Variants in LPP observed in about 807,000 individuals in gnomAD.
LPP encodes LIM domain containing preferred translocation partner in lipoma, also known as lipoma-preferred partner.
Under a neutral mutation model 60.4 loss-of-function variants are expected in LPP, and 38 were observed. The observed-to-expected ratio is 0.63, with a 90% CI of 0.49 to 0.83. The LOEUF (loss-of-function observed/expected upper bound fraction) is 0.83, where lower values mean the gene tolerates loss of function less well. LPP is among the 40% of genes least tolerant of loss of function. LPP has a pLI of 0.00. For synonymous variants in LPP, 328 were observed against 290.8 expected, an observed-to-expected ratio of 1.13 and a Z score of -1.30; for missense variants, 902 against 783.6, an observed-to-expected ratio of 1.15 and a Z score of -1.80.
chr3:188,857,831 A>C (rs1764199262), intron 9 of LPP, among the ~76,000 whole-genome samples: 1 of 152,242 alleles, frequency 6.6e-6, no homozygotes, highest in Non-Finnish European at 1.5e-5. Context: ...GTGAAGGGAA[A>C]AAATAGAAAT....
chr3:188,282,655 C>A (rs1041157426), intron 2 of LPP, among the ~76,000 whole-genome samples: 1 of 152,126 alleles, frequency 6.6e-6, no homozygotes, highest in African/African-American at 2.4e-5. Context: ...TTGGCCCCTG[C>A]CTCTCCACCC....
intron 5 of LPP, among the ~76,000 whole-genome samples, chr3:188,516,234 A>G (rs140869934): frequency 2.0e-5 from 3 of 152,316 alleles, no homozygotes; most frequent in African/African-American, 7.2e-5. Context: ...TACACATCCC[A>G]ATAGGAATGC....
At chr3:188,659,928 T>A (rs572284091) in intron 7 of LPP, among the ~76,000 whole-genome samples, 1 of 152,038 alleles carries the variant, frequency 6.6e-6, no homozygotes, top group South Asian at 2.1e-4. Flanking sequence ...CCTCATTCTT[T>A]GTCTCTCATC....
At chr3:188,299,827 C>T (rs541055419) in intron 2 of LPP, among the ~76,000 whole-genome samples, 23 of 152,306 alleles carry the variant, frequency 1.5e-4, no homozygotes, top group Non-Finnish European at 3.1e-4. Context: ...AGCCTTGAGC[C>T]AGGTCTGCCT....
At chr3:188,829,480 ACT>A (rs1756552441) in intron 9 of LPP, among the ~76,000 whole-genome samples, 2 of 151,984 alleles carry the variant, frequency 1.3e-5, no homozygotes, top group Non-Finnish European at 1.5e-5. Context: ...TAGTCATAAT[ACT>A]CTTATACAAA....
intron 7 of LPP, among the ~76,000 whole-genome samples, chr3:188,625,448 C>T: frequency 6.6e-6 from 1 of 152,042 alleles, no homozygotes; most frequent in Non-Finnish European, 1.5e-5. Flanking sequence ...ATTTTTATAA[C>T]CATTGTGAAT....
intron 5 of LPP, among the ~76,000 whole-genome samples, chr3:188,493,114 C>A (rs1033052722): frequency 1.3e-5 from 2 of 152,054 alleles, no homozygotes; most frequent in African/African-American, 2.4e-5. Context: ...AGGCTACATG[C>A]TTGATGTATT....
chr3:188,432,545 T>A (rs564935918), intron 4 of LPP, among the ~76,000 whole-genome samples: 3 of 152,176 alleles, frequency 2.0e-5, no homozygotes, highest in Admixed American at 2.0e-4. Flanking sequence ...TGATCATGTG[T>A]GAATTTGACC....
At chr3:188,523,380 C>G (rs1819553091) in intron 5 of LPP, among the ~76,000 whole-genome samples, 1 of 152,096 alleles carries the variant, frequency 6.6e-6, no homozygotes, top group Non-Finnish European at 1.5e-5. Flanking sequence ...AAAGAATGAC[C>G]AAAACACCAG....
At chr3:188,747,967 G>A (rs898605707) in intron 8 of LPP, among the ~76,000 whole-genome samples, 3 of 152,084 alleles carry the variant, frequency 2.0e-5, no homozygotes, top group African/African-American at 4.8e-5. Flanking sequence ...GAATCTAAAT[G>A]GCATTGCCAG....
intron 10 of LPP, 60 bp from the exon 11 acceptor site, chr3:188,872,583 C>T: frequency 3.7e-6 from 6 of 1,603,950 alleles, no homozygotes; most frequent in Non-Finnish European, 5.1e-6. Flanking sequence ...CCTTTTACCT[C>T]TGCGTCCCAC....
chr3:188,379,109 A>C (rs1413998950), intron 3 of LPP, among the ~76,000 whole-genome samples: 2 of 151,630 alleles, frequency 1.3e-5, no homozygotes, highest in African/African-American at 4.8e-5. Flanking sequence ...TTTCTTCCTA[A>C]TTTGCACAAA....
intron 9 of LPP, among the ~76,000 whole-genome samples, chr3:188,777,366 A>G (rs1038971771): frequency 2.6e-5 from 4 of 151,988 alleles, no homozygotes; most frequent in Non-Finnish European, 5.9e-5. Flanking sequence ...CCATCCAATC[A>G]ATATTTACTG....
chr3:188,460,394 T>G (rs1283057553), intron 4 of LPP, among the ~76,000 whole-genome samples: 1 of 152,208 alleles, frequency 6.6e-6, no homozygotes, highest in Admixed American at 6.5e-5. Context: ...AGACTTTAAA[T>G]GACTTAGCTT....
intron 7 of LPP, among the ~76,000 whole-genome samples, chr3:188,682,558 G>A (rs1395117124): frequency 6.6e-6 from 1 of 152,192 alleles, no homozygotes; most frequent in Non-Finnish European, 1.5e-5. Flanking sequence ...GGTTACCTTG[G>A]CAAGTGAATG....
intron 3 of LPP, among the ~76,000 whole-genome samples, chr3:188,349,814 C>T (rs1005889348): frequency 1.3e-5 from 2 of 152,226 alleles, no homozygotes; most frequent in African/African-American, 2.4e-5. Context: ...CTGAGGCCCT[C>T]GGCCAGCTGT....
chr3:188,547,881 T>C (rs1370153190), intron 6 of LPP, among the ~76,000 whole-genome samples: 1 of 152,180 alleles, frequency 6.6e-6, no homozygotes, highest in Non-Finnish European at 1.5e-5. Flanking sequence ...CTCTGGAGCG[T>C]GGCTGAGCAT....
intron 7 of LPP, among the ~76,000 whole-genome samples, chr3:188,650,147 T>A (rs1851812780): frequency 6.6e-6 from 1 of 152,220 alleles, no homozygotes; most frequent in South Asian, 2.1e-4. Context: ...GGCAAGCATT[T>A]TGCTATATCC....
intron 2 of LPP, among the ~76,000 whole-genome samples, chr3:188,322,337 C>G (rs1034650485): frequency 6.6e-6 from 1 of 152,090 alleles, no homozygotes; most frequent in African/African-American, 2.4e-5. Flanking sequence ...TTCCCTGATT[C>G]GTCCTTCTTC....
Sources: gnomAD v4.1 joint callset for allele counts (sites outside exome capture counted in the v4.1 genomes callset) on GRCh38, gnomAD v4.1.1 for gene constraint, MANE v1.5 for transcripts, NCBI Gene and HGNC (gene_info 2026-07-23, HGNC 2026-07-21) for gene names.